Variants in DHRS7 observed in about 807,000 individuals in gnomAD.
DHRS7 encodes dehydrogenase/reductase 7.
In DHRS7, 34 loss-of-function variants were observed where a neutral mutation model predicts 38.9. The ratio of observed to expected loss-of-function variants is 0.87; its 90% CI spans 0.66 to 1.16. The LOEUF is 1.16. DHRS7 is among the 50% of genes most tolerant of loss of function. The pLI is 0.00. For missense variants in DHRS7, 421 were observed against 407.0 expected (o/e 1.03, Z -0.30); for synonymous variants, 158 against 153.1 (o/e 1.03, Z -0.24).
rs1041415663 is a variant in DHRS7, at chr14:60,162,365, C to T, written c.133+2812G>A. Among the ~76,000 whole-genome samples the T allele has an allele frequency of 1.3e-5, 2 of 150,794 alleles. No homozygotes were observed. The highest frequency in any genetic ancestry group is 4.9e-5 in the African/African-American group (2 of 40,888). On this transcript the variant is annotated intron_variant, in intron 1 of 6. Transcript: ENST00000557185. The surrounding 1 kb of genome is among the most constrained non-coding windows in gnomAD (Gnocchi z 4.5). The stretch of plus-strand genomic sequence containing the variant: ...TCCAGGCTGGGTGACAAAGCAAGAC[C>T]TTGTCTCTCTATTAAAAAAAAAAAA...
At chr14:60,165,501 T>TCCTTGGGCGGC (rs1896855621), upstream of DHRS7, 3 of 1,305,188 alleles carry the variant, frequency 2.3e-6, no homozygotes, top group Middle Eastern at 2.9e-4. The surrounding 1 kb of genome is among the most constrained non-coding windows in gnomAD (Gnocchi z 4.6). Context: ...CCACTCGCGG[T>TCCTTGGGCGGC]CCTTGGGCGG....
At chr14:60,155,936 A>G in intron 2 of DHRS7, 64 bp downstream of exon 2, 2 of 1,362,392 alleles carry the variant, frequency 1.5e-6, no homozygotes, top group Non-Finnish European at 9.6e-7. Context: ...AAGTCCCAAA[A>G]CTGTATTTGA....
chr14:60,156,239 A>C, intron 1 of DHRS7, 87 bp from the exon 2 acceptor site: 2 of 1,121,766 alleles, frequency 1.8e-6, no homozygotes, highest in Non-Finnish European at 2.4e-6. Context: ...AGAAAGCCTT[A>C]AACAATACCA....
In DHRS7 at chr14:60,150,196, CA is replaced by C. The variant is rs56277430; in HGVS notation, c.634-10del. 193,422 of 1,057,556 alleles carry C rather than the reference CA, an allele frequency of 0.18. 14 individuals are homozygous for C. The highest frequency in any genetic ancestry group is 0.2 in the Non-Finnish European group (162,855 of 815,668). The allele number at this position is 1,057,556 out of a possible 1,614,324, so 65.5% of individuals were successfully genotyped here. ...AGGCCATTAAAAAAACCCTAACAGA[CA>C]AAAAAAAAAAAAAAGGAAAAAGGCA... On this transcript the variant is annotated splice_polypyrimidine_tract_variant and intron_variant, in intron 4 of 6. Coordinates refer to ENST00000557185, the MANE Select transcript of DHRS7 (RefSeq NM_016029.4).
At chr14:60,159,196 C>A in intron 1 of DHRS7, 1 of 363,132 alleles carries the variant, frequency 2.8e-6, no homozygotes, top group South Asian at 2.4e-5. Context: ...ATCTCCCTGT[C>A]AGAGGAGATG....
chr14:60,149,696 A>G (rs1896495449), intron 5 of DHRS7, 128 bp from the exon 6 acceptor site: 3 of 672,318 alleles, frequency 4.5e-6, no homozygotes, highest in African/African-American at 1.8e-5. Flanking sequence ...AGGAGTCTCC[A>G]TAGGTACTAA....
At position 60,160,044 on chromosome 14, in the gene DHRS7, G is replaced by A. The variant is rs540786872; in HGVS notation, c.134-3892C>T. ...TTTTTGTTGTCAAAAACTTCTTTTT[G>A]GCCAGGTACAGTGGCTCACGCCTGT... On this transcript the variant is annotated intron_variant, in intron 1 of 6. Coordinates refer to ENST00000557185, the MANE Select transcript of DHRS7 (RefSeq NM_016029.4). Among the ~76,000 whole-genome samples the A allele has an allele frequency of 2.3e-3, 352 of 152,196 alleles. 1 individual carries two copies. The highest frequency in any genetic ancestry group is 7.8e-3 in the African/African-American group (323 of 41,526).
Position 60,156,020 on chromosome 14 carries a change from C to A in DHRS7, c.266G>T (p.Arg89Met). The A allele has an allele frequency of 6.3e-7, 1 of 1,581,716 alleles. No homozygotes were observed. The highest frequency in any genetic ancestry group is 8.6e-7 in the Non-Finnish European group (1 of 1,165,050). The change falls in exon 2 of 7, where the codon AGG becomes ATG. Residue 89 changes from arginine (R) to methionine (M), a missense_variant. By Grantham distance (91) the Arg-to-Met change is moderately conservative. Transcript: ENST00000557185. ...CTTACCTAGGCATCTTCTTTTCACC[C>A]TTTCCAGCTCATGCACTCTTCTGGC... ...LSARRVHELE[R>M]VKRRCLENGN...
At position 60,154,065 on chromosome 14, in the gene DHRS7, T is replaced by C. The variant is rs1252311043; in HGVS notation, c.287A>G (p.Glu96Gly). The C allele has an allele frequency of 6.2e-7, 1 of 1,613,072 alleles. No individual in the cohort carries two copies. The highest frequency in any genetic ancestry group is 2.2e-5 in the East Asian group (1 of 44,866). ...ELERVKRRCL[E>G]NGNLKEKDIL... ...ATCTTTTTCTTTTAAATTGCCATTC[T>C]CTAAATAAAGACAAAAATTTGTGTG... Residue 96 changes from glutamate (E) to glycine (G), a missense_variant and splice_region_variant, in exon 3 of 7, where the codon GAG (glutamate) becomes GGG (glycine). Coordinates refer to ENST00000557185, the MANE Select transcript of DHRS7 (RefSeq NM_016029.4).
chr14:60,145,057 T>C lies in DHRS7; in HGVS notation c.973-44A>G. 1 of 1,340,322 alleles carries C rather than the reference T, an allele frequency of 7.5e-7. No individual in the cohort carries two copies. Among genetic ancestry groups the C allele is most frequent in the Non-Finnish European group, 1.0e-6 (1 of 1,001,584 alleles). The allele number at this position is 1,340,322 out of a possible 1,614,324, so 83.0% of individuals were successfully genotyped here. A position where few individuals can be genotyped will look rare whatever the true frequency, so the allele number is the denominator to read the frequency against. ...AACATGGATCAGTACCTACTCCTAT[T>C]TACTCCAGTTTTTAACATTTAAGTC... On this transcript the variant is annotated intron_variant, in intron 6 of 6. Coordinates refer to ENST00000557185, the MANE Select transcript of DHRS7 (RefSeq NM_016029.4). The surrounding 1 kb of genome is among the most constrained non-coding windows in gnomAD (Gnocchi z 4.0).
chr14:60,169,871 G>A (rs1896911074), upstream of DHRS7: 1 of 152,236 alleles, frequency 6.6e-6, no homozygotes, highest in Non-Finnish European at 1.5e-5. Flanking sequence ...TGCTGAGATG[G>A]GGCATGAGAG....
At chr14:60,154,156 T>C in intron 2 of DHRS7, 91 bp from the exon 3 acceptor site, 1 of 949,572 alleles carries the variant, frequency 1.1e-6, no homozygotes, top group Non-Finnish European at 1.6e-6. Context: ...GCAACAGGAC[T>C]TGGCAACAAA....
chr14:60,144,602 C>T lies in DHRS7; in HGVS notation c.*364G>A. ...GCTGGTGCATTGGTCTTGGAATTCCCAGCCTCAAGAGCCAGGAAAAACAGA... is the reference window on the plus strand; with the variant it reads ...GCTGGTGCATTGGTCTTGGAATTCCTAGCCTCAAGAGCCAGGAAAAACAGA... On this transcript the variant is annotated 3_prime_UTR_variant, in exon 7 of 7. Transcript: ENST00000557185. The T allele has an allele frequency of 4.7e-6, 1 of 214,722 alleles. No individual in the cohort carries two copies. The highest frequency in any genetic ancestry group is 9.2e-6 in the Non-Finnish European group (1 of 109,134). 13.3% of individuals were successfully genotyped at this position (214,722 alleles called of 1,614,324 possible).
chr14:60,166,127 G>T, upstream of DHRS7: 1 of 738,308 alleles, frequency 1.4e-6, no homozygotes, highest in Non-Finnish European at 1.7e-6. Flanking sequence ...ACACAAAAGA[G>T]TAAAATACTG....
chr14:60,155,279 T>A, intron 2 of DHRS7, among the ~76,000 whole-genome samples: 1 of 151,976 alleles, frequency 6.6e-6, no homozygotes, highest in East Asian at 1.9e-4. Flanking sequence ...TGAAACCCCG[T>A]CTCCATTAAA....
Position 60,150,122 on chromosome 14 carries a change from G to A in DHRS7, c.699C>T (p.Cys233=). 6.2e-7 allele frequency: 1 copy of A among 1,604,828 alleles called. No individual in the cohort carries two copies. The change falls in exon 5 of 7, where the codon TGC becomes TGT. Residue 233 remains cysteine, a synonymous_variant. Coordinates refer to ENST00000557185, the MANE Select transcript of DHRS7 (RefSeq NM_016029.4). The stretch of plus-strand genomic sequence containing the variant: ...CAATATTTGATTGCACAGGTCCTGG[G>A]CAAATGTTAGAAACTATTATACCTG... ...TYPGIIVSNI[C]PGPVQSNIVE...
rs1384992047 is a variant in DHRS7 at position 60,148,293 on chromosome 14, A to C, written c.972+1060T>G. The stretch of plus-strand genomic sequence containing the variant: ...TTTTATAATTCTTTTTTTATCTGTC[A>C]ATCCCCATTGATTAATTTCTAAAAG... On this transcript the variant is annotated intron_variant, in intron 6 of 6. Coordinates refer to ENST00000557185, the MANE Select transcript of DHRS7 (RefSeq NM_016029.4). This position sits in a 1 kb window ranked among gnomAD's most constrained non-coding sequence, Gnocchi z 4.8. 6.6e-6 allele frequency: 1 copy of C among 152,174 alleles called. No homozygotes were observed. The highest frequency in any genetic ancestry group is 1.5e-5 in the Non-Finnish European group (1 of 68,018). 9.4% of individuals were successfully genotyped at this position (152,174 alleles called of 1,614,324 possible).
At chr14:60,152,747 C>A in intron 4 of DHRS7, 192 bp downstream of exon 4, 1 of 606,044 alleles carries the variant, frequency 1.7e-6, no homozygotes, top group Non-Finnish European at 2.9e-6. Flanking sequence ...TTTATTTGTT[C>A]AACAAGTTAG....
In DHRS7 at chr14:60,153,145, G is replaced by A; in HGVS notation, c.427C>T (p.Gln143Ter). 1 of 1,614,056 alleles carries A rather than the reference G, an allele frequency of 6.2e-7. No individual in the cohort carries two copies. The highest frequency in any genetic ancestry group is 1.7e-5 in the Admixed American group (1 of 60,012). Reference protein sequence around the residue: ...DILVNNGGMSQRSLCMDTSLD... With the variant: ...DILVNNGGMS The stretch of plus-strand genomic sequence containing the variant: ...CTGGTATCCATGCACAGAGAACGCT[G>A]GGACATTCCACCATTGTTGACCAGA... The change falls in exon 4 of 7, where the codon CAG becomes TAG. Residue 143 changes from glutamine to a stop codon, truncating the protein, a stop_gained. Transcript: ENST00000557185. LOFTEE classifies it high-confidence loss of function. The surrounding 1 kb of genome is among the most constrained non-coding windows in gnomAD (Gnocchi z 4.4).
Sources: gnomAD v4.1 joint callset for allele counts (sites outside exome capture counted in the v4.1 genomes callset) on GRCh38, gnomAD v4.1.1 for gene constraint, Gnocchi (gnomAD v3.1) non-coding constraint, MANE v1.5 for transcripts, NCBI Gene and HGNC (gene_info 2026-07-23, HGNC 2026-07-21) for gene names.